Variants in ROBO1 observed in about 807,000 individuals in gnomAD.
ROBO1 encodes the protein roundabout guidance receptor 1, also known as roundabout homolog 1.
Under a neutral mutation model 195.9 loss-of-function variants are expected in ROBO1, and 149 were observed. The observed-to-expected ratio is 0.76, with a 90% CI of 0.67 to 0.87. ROBO1 has a LOEUF of 0.87. Among genes scored for constraint, ROBO1 ranks in the 40% least tolerant of loss-of-function variants. The pLI is 0.00. For missense variants in ROBO1, 1,933 were observed against 2,068.3 expected (o/e 0.93, Z 1.27); for synonymous variants, 816 against 733.2 (o/e 1.11, Z -1.82).
chr3:78,896,052 G>C (rs955566952), intron 4 of ROBO1, among the ~76,000 whole-genome samples: 2 of 152,088 alleles, frequency 1.3e-5, no homozygotes, highest in Non-Finnish European at 1.5e-5. Context: ...AGAGACTTAA[G>C]ACTACAAGAA....
intron 4 of ROBO1, among the ~76,000 whole-genome samples, chr3:78,898,643 C>T (rs192668352): frequency 0.029 from 4,398 of 151,794 alleles, 200 homozygotes; most frequent in African/African-American, 0.099. Flanking sequence ...CCCACCTCGG[C>T]CTCCCAAAGT....
At chr3:78,599,030 T>C in intron 30 of ROBO1, 103 bp from the exon 31 acceptor site, 1 of 630,436 alleles carries the variant, frequency 1.6e-6, no homozygotes, top group Non-Finnish European at 2.6e-6. Context: ...ATGTGTCTTT[T>C]CATTTATTCA....
chr3:78,698,936 T>G (rs559279485), intron 8 of ROBO1, among the ~76,000 whole-genome samples: 1 of 152,246 alleles, frequency 6.6e-6, no homozygotes, highest in South Asian at 2.1e-4. Context: ...GAATCCACAA[T>G]TCAAATGCAA....
intron 9 of ROBO1, 32 bp from the exon 10 acceptor site, chr3:78,685,949 A>T: frequency 6.6e-7 from 1 of 1,503,916 alleles, no homozygotes; most frequent in Non-Finnish European, 9.0e-7. Context: ...GGAGGAAAAT[A>T]AAAATAGGTT....
At chr3:79,653,241 T>C (rs1027227178) in intron 1 of ROBO1, among the ~76,000 whole-genome samples, 1 of 151,820 alleles carries the variant, frequency 6.6e-6, no homozygotes, top group Non-Finnish European at 1.5e-5. Flanking sequence ...AAAAAATAAA[T>C]GAGAAATTCA....
chr3:78,627,321 C>T lies in ROBO1; in HGVS notation c.3875G>A (p.Arg1292Lys). ...TGHMQHQPDR[R>K]RQPVSPPPPP... ...GCAAAGAAGGCTAGTGACAACATAC[C>T]TCCTGTCGGGCTGGTGCTGCATGTG... Residue 1292 changes from arginine to lysine, a missense_variant and splice_region_variant, in exon 26 of 31, where the codon AGA (arginine) becomes AAA (lysine). This residue lies in a region of ROBO1 where 1,737 missense variants were observed against 1,882.5 expected (regional missense o/e 0.92). Coordinates refer to ENST00000464233, the MANE Select transcript of ROBO1 (RefSeq NM_002941.4). 6.2e-7 allele frequency: 1 copy of T among 1,611,384 alleles called. No individual in the cohort carries two copies. Among genetic ancestry groups the T allele is most frequent in the South Asian group, 1.1e-5 (1 of 90,548 alleles).
At chr3:79,696,700 AC>A (rs1238256972) in intron 1 of ROBO1, among the ~76,000 whole-genome samples, 1 of 151,422 alleles carries the variant, frequency 6.6e-6, no homozygotes, top group African/African-American at 2.4e-5. Flanking sequence ...TGGATAAATT[AC>A]CTTCTCATTT....
chr3:79,196,272 TTC>T (rs2081632320), intron 2 of ROBO1, among the ~76,000 whole-genome samples: 1 of 148,228 alleles, frequency 6.7e-6, no homozygotes, highest in Admixed American at 6.8e-5. Context: ...TGAGAAGAGT[TTC>T]TTTTTTTTTT....
chr3:78,611,373 A>C (rs1703797849), intron 28 of ROBO1, among the ~76,000 whole-genome samples: 2 of 152,344 alleles, frequency 1.3e-5, no homozygotes, highest in Middle Eastern at 3.4e-3. Flanking sequence ...GAGAGGATGG[A>C]AAGAATCTAT....
At chr3:79,185,802 G>T (rs2081427974) in intron 2 of ROBO1, among the ~76,000 whole-genome samples, 1 of 152,090 alleles carries the variant, frequency 6.6e-6, no homozygotes, top group African/African-American at 2.4e-5. Flanking sequence ...CATGAGCACA[G>T]CTTGCTTTCC....
intron 4 of ROBO1, among the ~76,000 whole-genome samples, chr3:78,892,823 T>C (rs1271237307): frequency 6.6e-6 from 1 of 152,178 alleles, no homozygotes; most frequent in African/African-American, 2.4e-5. Flanking sequence ...CCTGATATCA[T>C]TTATATAAAA....
At chr3:79,599,691 A>G (rs1345465665) in intron 1 of ROBO1, among the ~76,000 whole-genome samples, 5 of 152,010 alleles carry the variant, frequency 3.3e-5, no homozygotes, top group Middle Eastern at 3.2e-3. Flanking sequence ...GTTTATTAGT[A>G]TTACTAACAT....
At chr3:79,039,266 T>C (rs1282563265) in intron 3 of ROBO1, among the ~76,000 whole-genome samples, 4 of 152,204 alleles carry the variant, frequency 2.6e-5, no homozygotes, top group Admixed American at 2.6e-4. Context: ...TTTATTTCAC[T>C]GTGGAATCCA....
chr3:78,887,601 T>C (rs1160376251), intron 4 of ROBO1, among the ~76,000 whole-genome samples: 1 of 152,146 alleles, frequency 6.6e-6, no homozygotes, highest in Non-Finnish European at 1.5e-5. Context: ...CTTAGTAGCA[T>C]CTGTAAGTAT....
At chr3:78,885,632 T>C (rs890508466) in intron 4 of ROBO1, among the ~76,000 whole-genome samples, 1 of 151,036 alleles carries the variant, frequency 6.6e-6, no homozygotes, top group African/African-American at 2.4e-5. Context: ...TGTTTTCATG[T>C]ATTAACTCAT....
intron 2 of ROBO1, among the ~76,000 whole-genome samples, chr3:79,296,416 T>C (rs2032602230): frequency 6.6e-6 from 1 of 152,180 alleles, no homozygotes; most frequent in Non-Finnish European, 1.5e-5. Context: ...ATTCTATGTG[T>C]AGACTCTGCC....
At chr3:78,613,717 T>C (rs780070314) in intron 28 of ROBO1, among the ~76,000 whole-genome samples, 14 of 152,196 alleles carry the variant, frequency 9.2e-5, no homozygotes, top group Non-Finnish European at 1.3e-4. Context: ...GTAGGAATCA[T>C]AGGGAGAAGT....
Position 79,259,429 on chromosome 3 carries a change from C to T in ROBO1, c.89-133890G>A, listed in dbSNP as rs975116934. Among the ~76,000 whole-genome samples the T allele has an allele frequency of 3.3e-5, 5 of 151,526 alleles. No individual in the cohort carries two copies. In the East Asian group the frequency reaches 9.7e-4, roughly 29 times the overall value. The stretch of plus-strand genomic sequence containing the variant: ...TGCTGGGATTACAGGTGTGAGCCAC[C>T]ATGCCTGGCCTAAGCACACTCTTTC... On this transcript the variant is annotated intron_variant, in intron 2 of 30. Transcript: ENST00000464233.
chr3:79,567,073 G>C (rs193141620), intron 2 of ROBO1, among the ~76,000 whole-genome samples: 1 of 152,098 alleles, frequency 6.6e-6, no homozygotes. Context: ...CTATGCAGCC[G>C]TAAAAAGAAG....
Sources: allele counts gnomAD v4.1 joint callset (sites outside exome capture counted in the v4.1 genomes callset), GRCh38; gene constraint gnomAD v4.1.1; regional missense constraint gnomAD v4.1.1; transcripts MANE v1.5; gene names NCBI Gene and HGNC (gene_info 2026-07-23, HGNC 2026-07-21).